The following NTRK3 variants were observed in gnomAD, a reference collection of about 807,000 sequenced individuals.
NTRK3 encodes NT-3 growth factor receptor.
Under a neutral mutation model 91.7 loss-of-function variants are expected in NTRK3, and 24 were observed. The ratio of observed to expected loss-of-function variants is 0.26; its 90% confidence interval spans 0.19 to 0.37. The LOEUF (loss-of-function observed/expected upper bound fraction) is 0.37, where lower values mean the gene tolerates loss of function less well. NTRK3 is among the 10% of genes least tolerant of loss of function. The pLI, the probability that NTRK3 is intolerant of heterozygous loss-of-function variation, is 1.00. For synonymous variants in NTRK3, 483 were observed against 404.0 expected (o/e 1.20, Z -2.34); for missense variants, 880 against 1,068.9 (o/e 0.82, Z 2.46).
At chr15:88,051,697 A>G (rs1260912146) in intron 13 of NTRK3, among the ~76,000 whole-genome samples, 1 of 152,264 alleles carries the variant, frequency 6.6e-6, no homozygotes, top group African/African-American at 2.4e-5. Context: ...ATAAGTTCTC[A>G]GTAAATGTTA....
intron 13 of NTRK3, among the ~76,000 whole-genome samples, chr15:88,067,034 AC>A (rs1427936751): frequency 6.7e-6 from 1 of 150,126 alleles, no homozygotes. Flanking sequence ...CCCCCATCCC[AC>A]TCCAGCCCTA....
At chr15:88,244,777 G>A (rs1446280135) in intron 3 of NTRK3, among the ~76,000 whole-genome samples, 1 of 152,220 alleles carries the variant, frequency 6.6e-6, no homozygotes, top group Non-Finnish European at 1.5e-5. Flanking sequence ...CTTTCTACCA[G>A]GGATGGTCCT....
intron 3 of NTRK3, among the ~76,000 whole-genome samples, chr15:88,238,772 G>C (rs1598120931): frequency 2.0e-5 from 3 of 152,214 alleles, no homozygotes; most frequent in East Asian, 3.8e-4. Context: ...ACTATGCCGT[G>C]ATTCAGCTCT....
chr15:87,983,080 A>G (rs2074433402), intron 14 of NTRK3, among the ~76,000 whole-genome samples: 1 of 152,270 alleles, frequency 6.6e-6, no homozygotes, highest in Non-Finnish European at 1.5e-5. Flanking sequence ...CAACAGTCCC[A>G]ATACCAAATG....
exon 15 of NTRK3, chr15:87,940,737 C>G (rs778280626): frequency 6.2e-7 from 1 of 1,614,146 alleles, no homozygotes; most frequent in Non-Finnish European, 8.5e-7. Context: ...TGTCTCTCCT[C>G]TTAATGTGCT....
At position 88,233,122 on chromosome 15, in the gene NTRK3, G is replaced by C. The variant is rs1049952623; in HGVS notation, c.248+22784C>G. Among the ~76,000 whole-genome samples, 1 of 152,200 alleles carries C rather than the reference G, an allele frequency of 6.6e-6. No homozygotes were observed. The highest frequency in any genetic ancestry group is 1.5e-5 in the Non-Finnish European group (1 of 68,030). ...TAAACTCACTGAATAAGTTAATGGGGCAGAGAGAATCTATTTCGGAGCCAC... is the reference window on the plus strand; with the variant it reads ...TAAACTCACTGAATAAGTTAATGGGCCAGAGAGAATCTATTTCGGAGCCAC... On this transcript the variant is annotated intron_variant, in intron 3 of 18. Transcript: ENST00000394480. This position sits in a 1 kb window ranked among gnomAD's most constrained non-coding sequence, Gnocchi z 4.2.
chr15:87,860,356 AGGTT>A, exon 19 of NTRK3: 1 of 217,862 alleles, frequency 4.6e-6, no homozygotes, highest in Non-Finnish European at 9.2e-6. Context: ...TTTTCTTTTG[AGGTT>A]GGGGAGAAAG....
chr15:87,862,167 CT>C, exon 19 of NTRK3: 1 of 220,378 alleles, frequency 4.5e-6, no homozygotes. Flanking sequence ...GTGCCATGGC[CT>C]TTTTTGCAGG....
intron 13 of NTRK3, among the ~76,000 whole-genome samples, chr15:88,077,843 C>T (rs1322609594): frequency 6.6e-6 from 1 of 152,168 alleles, no homozygotes. Flanking sequence ...GGGTCTCCTT[C>T]CCAGACACAC....
intron 17 of NTRK3, among the ~76,000 whole-genome samples, chr15:87,904,514 A>C (rs2066640280): frequency 6.6e-6 from 1 of 152,110 alleles, no homozygotes. Flanking sequence ...TCTTAGGTTC[A>C]TCTCACCCCT....
intron 14 of NTRK3, among the ~76,000 whole-genome samples, chr15:88,018,438 A>C (rs938424947): frequency 6.6e-6 from 1 of 152,184 alleles, no homozygotes; most frequent in Non-Finnish European, 1.5e-5. Context: ...GCATGCTCCT[A>C]AACTCTAGAG....
chr15:88,110,354 G>A (rs2051200434), intron 13 of NTRK3, among the ~76,000 whole-genome samples: 1 of 152,186 alleles, frequency 6.6e-6, no homozygotes, highest in Non-Finnish European at 1.5e-5. Flanking sequence ...GAAATGCAAG[G>A]CAAGAGCTGT....
intron 17 of NTRK3, among the ~76,000 whole-genome samples, chr15:87,921,711 C>T (rs1030178286): frequency 7.9e-5 from 12 of 152,090 alleles, no homozygotes; most frequent in East Asian, 1.9e-4. Context: ...TTGGGGACTG[C>T]GCATGGGGCC....
chr15:87,980,093 C>A (rs2074088476), intron 14 of NTRK3, among the ~76,000 whole-genome samples: 1 of 152,188 alleles, frequency 6.6e-6, no homozygotes, highest in Non-Finnish European at 1.5e-5. Context: ...GCCTTGCCAT[C>A]TTTCCAAATC....
exon 19 of NTRK3, chr15:87,860,720 C>A (rs1026717040): frequency 9.5e-6 from 2 of 210,040 alleles, no homozygotes; most frequent in Admixed American, 1.2e-4. Context: ...AAACCTCAGT[C>A]ACTTATGTTA....
chr15:88,025,947 A>T (rs1403281072), intron 14 of NTRK3, among the ~76,000 whole-genome samples: 3 of 152,182 alleles, frequency 2.0e-5, no homozygotes, highest in Non-Finnish European at 4.4e-5. Context: ...GACAAGAAAG[A>T]CTTTGTCTCA....
chr15:87,938,933 T>G (rs1400942069), intron 15 of NTRK3, among the ~76,000 whole-genome samples: 1 of 152,188 alleles, frequency 6.6e-6, no homozygotes, highest in South Asian at 2.1e-4. Flanking sequence ...ATTAGCCTTT[T>G]AGGATGCAGG....
chr15:87,870,861 G>C (rs1207265143), exon 19 of NTRK3: 2 of 226,368 alleles, frequency 8.8e-6, no homozygotes, highest in Non-Finnish European at 1.8e-5. Context: ...AGCTTTGTCA[G>C]CTAGAAGTAT....
exon 17 of NTRK3, chr15:87,929,325 T>C (rs766961809): frequency 3.1e-6 from 5 of 1,614,034 alleles, no homozygotes; most frequent in African/African-American, 1.3e-5. Context: ...AGGTACACCA[T>C]ACCCGAGGCG....
Sources: allele counts gnomAD v4.1 joint callset (sites outside exome capture counted in the v4.1 genomes callset), GRCh38; gene constraint gnomAD v4.1.1; non-coding constraint Gnocchi (gnomAD v3.1); transcripts MANE v1.5; gene names NCBI Gene and HGNC (gene_info 2026-07-23, HGNC 2026-07-21).